AOX1: variants seen among roughly 807,000 people sequenced by gnomAD.
The protein encoded by AOX1 is aldehyde oxidase 1.
In AOX1, 153 loss-of-function variants were observed where a neutral mutation model predicts 169.5. That is an observed-to-expected ratio of 0.90 (90% CI 0.79 to 1.03). The LOEUF (loss-of-function observed/expected upper bound fraction) is 1.03. AOX1 is among the 50% of genes least tolerant of loss of function. The probability of loss-of-function intolerance (pLI) is 0.00; values close to 1 mark genes in which losing one functional copy is unlikely to be tolerated. For missense variants in AOX1, 1,656 were observed against 1,663.9 expected (o/e 1.00, Z 0.08); for synonymous variants, 562 against 581.9 (o/e 0.97, Z 0.49).
rs2105779133 is a variant in AOX1, at chr2:200,669,697, C to T, written c.3921C>T (p.Thr1307=). 1 of 1,613,598 alleles carries T rather than the reference C, an allele frequency of 6.2e-7. No homozygotes were observed. The highest frequency in any genetic ancestry group is 8.5e-7 in the Non-Finnish European group (1 of 1,179,908). The stretch of plus-strand genomic sequence containing the variant: ...CCTTGACCCTTAATAGTCCACTGAC[C>T]CCGGAGAAGATTAGGATGGCCTGTG... ...HGPLTLNSPL[T]PEKIRMACED... The change falls in exon 34 of 35, where the codon ACC becomes ACT. Residue 1307 remains threonine (T), a synonymous_variant. Transcript: ENST00000374700.
In AOX1 at chr2:200,634,779, T is replaced by C. The variant is rs749334767; in HGVS notation, c.2222-12T>C. 1 of 1,613,680 alleles carries C rather than the reference T, an allele frequency of 6.2e-7. No individual in the cohort carries two copies. ...ACTGCTTCCTTGACTTTTATGTATT[T>C]TCCTGTAACAGGTGAAATACATATG... On this transcript the variant is annotated splice_polypyrimidine_tract_variant and intron_variant, in intron 20 of 34. Transcript: ENST00000374700.
chr2:200,653,927 C>T (rs2105761135), intron 26 of AOX1, among the ~76,000 whole-genome samples: 1 of 152,200 alleles, frequency 6.6e-6, no homozygotes, highest in East Asian at 1.9e-4. Context: ...TGAACCACAT[C>T]CATATAAGAC....
In AOX1 at chr2:200,599,655, C is replaced by T. The variant is rs1158487710; in HGVS notation, c.345C>T (p.Gly115=). The T allele has an allele frequency of 6.2e-7, 1 of 1,612,900 alleles. No individual in the cohort carries two copies. The highest frequency in any genetic ancestry group is 1.1e-5 in the South Asian group (1 of 90,950). ...RIAKCHGTQC[G]FCTPGMVMSI... is the part of the protein sequence containing the mutation. Reference sequence around the variant, plus strand: ...CCAAGTGTCATGGCACCCAGTGTGGCTTCTGCACACCTGGGATGGTGATGT... The same window carrying T: ...CCAAGTGTCATGGCACCCAGTGTGGTTTCTGCACACCTGGGATGGTGATGT... Residue 115 remains glycine (G), a synonymous_variant, in exon 5 of 35, where the codon GGC becomes GGT. Coordinates refer to ENST00000374700, the MANE Select transcript of AOX1 (RefSeq NM_001159.4).
Position 200,670,885 on chromosome 2 carries a change from A to G in AOX1, c.*206A>G, listed in dbSNP as rs1362793845. The G allele has an allele frequency of 1.2e-5, 6 of 506,208 alleles. No individual in the cohort carries two copies. Among genetic ancestry groups the G allele is most frequent in the Non-Finnish European group, 2.1e-5 (6 of 284,746 alleles). 31.4% of individuals were successfully genotyped at this position (506,208 alleles called of 1,614,324 possible). On this transcript the variant is annotated 3_prime_UTR_variant, in exon 35 of 35. Coordinates refer to ENST00000374700, the MANE Select transcript of AOX1 (RefSeq NM_001159.4). ...TTAAGCAATCTATAAATCATTTTCA[A>G]TGTTATAAACACTAATTGGTTTCCT...
chr2:200,616,000 C>G lies in AOX1; in HGVS notation c.1641C>G (p.Asp547Glu), dbSNP rs777354923. 6 of 1,613,568 alleles carry G rather than the reference C, an allele frequency of 3.7e-6. No individual in the cohort carries two copies. The highest frequency in any genetic ancestry group is 5.1e-6 in the Non-Finnish European group (6 of 1,179,620). The change falls in exon 16 of 35, where the codon GAC becomes GAG. Residue 547 changes from aspartate (D) to glutamate (E), a missense_variant. Coordinates refer to ENST00000374700, the MANE Select transcript of AOX1 (RefSeq NM_001159.4). ...MDPVHYPSLADKYESALEDLH... is the reference protein window; with the variant it reads ...MDPVHYPSLAEKYESALEDLH... ...CAGTTCACTATCCTAGCCTTGCAGA[C>G]AAGTATGAAAGTGCTTTAGAAGATC...
chr2:200,668,567 G>T, intron 32 of AOX1, 48 bp from the exon 33 acceptor site: 2 of 1,518,568 alleles, frequency 1.3e-6, no homozygotes, highest in South Asian at 2.4e-5. Context: ...ACTTAGTGTT[G>T]ACTGTGTTTT....
In AOX1 at chr2:200,599,759, T is replaced by A; in HGVS notation, c.436+13T>A. The A allele has an allele frequency of 1.4e-6, 2 of 1,480,764 alleles. No individual in the cohort carries two copies. Among genetic ancestry groups the A allele is most frequent in the Non-Finnish European group, 1.8e-6 (2 of 1,116,876 alleles). 91.7% of individuals were successfully genotyped at this position (1,480,764 alleles called of 1,614,324 possible). ...GATGCCCTTGGTGGTAGGTTATATA[T>A]GCATGCTTTTATTTTTTAATTTTTA... On this transcript the variant is annotated intron_variant, in intron 5 of 34. Coordinates refer to ENST00000374700, the MANE Select transcript of AOX1 (RefSeq NM_001159.4).
chr2:200,632,417 A>G (rs1559247154), intron 20 of AOX1, among the ~76,000 whole-genome samples: 1 of 151,506 alleles, frequency 6.6e-6, no homozygotes, highest in East Asian at 1.9e-4. Context: ...TAGAAGCTTT[A>G]CCTCCCTTTA....
intron 3 of AOX1, 76 bp from the exon 4 acceptor site, chr2:200,597,321 C>T: frequency 9.8e-7 from 1 of 1,019,992 alleles, no homozygotes. Context: ...AGTGGAGAAG[C>T]TCAGTGAATG....
intron 25 of AOX1, among the ~76,000 whole-genome samples, chr2:200,646,611 T>C (rs2035457391): frequency 6.6e-6 from 1 of 152,200 alleles, no homozygotes; most frequent in African/African-American, 2.4e-5. Flanking sequence ...CATTGTTTCT[T>C]TGTTGACTTT....
At chr2:200,638,810 A>C (rs1184319508) in intron 23 of AOX1, among the ~76,000 whole-genome samples, 1 of 152,222 alleles carries the variant, frequency 6.6e-6, no homozygotes, top group Admixed American at 6.5e-5. Context: ...GAAAAATTTT[A>C]CTTCTCAGAG....
At position 200,616,218 on chromosome 2, in the gene AOX1, A is replaced by T. The variant is rs1056586050; in HGVS notation, c.1704+155A>T. 1.2e-4 allele frequency among the ~76,000 whole-genome samples: 18 copies of T among 152,362 alleles called. No individual in the cohort carries two copies. The South Asian group carries it at 2.3e-3, about 19-fold the overall frequency. ...CTCTTTATGGGTAACTAAAATTCCA[A>T]AATCAATGAAGAATTTGATTAAAGA... On this transcript the variant is annotated intron_variant, in intron 16 of 34. Coordinates refer to ENST00000374700, the MANE Select transcript of AOX1 (RefSeq NM_001159.4).
chr2:200,652,296 A>T (rs1433951300), intron 26 of AOX1, among the ~76,000 whole-genome samples: 2 of 152,216 alleles, frequency 1.3e-5, no homozygotes, highest in African/African-American at 2.4e-5. Context: ...GTGTTATAAC[A>T]AATGATGATC....
rs139093835 is a variant in AOX1 at position 200,647,346 on chromosome 2, T to C, written c.2848-3628T>C. Among the ~76,000 whole-genome samples, 197 of 152,340 alleles carry C rather than the reference T, an allele frequency of 1.3e-3. 1 individual carries two copies. Among genetic ancestry groups the C allele is most frequent in the Middle Eastern group, 6.8e-3 (2 of 294 alleles). Reference sequence around the variant, plus strand: ...AACTGTATCTTTCCTTCATATGTGATGCTTAGTTTCACTGGATACAAAATT... The same window carrying C: ...AACTGTATCTTTCCTTCATATGTGACGCTTAGTTTCACTGGATACAAAATT... On this transcript the variant is annotated intron_variant, in intron 25 of 34. Transcript: ENST00000374700.
chr2:200,602,463 G>T, intron 6 of AOX1, 118 bp downstream of exon 6: 1 of 839,510 alleles, frequency 1.2e-6, no homozygotes, highest in South Asian at 1.6e-5. Flanking sequence ...CTTATCTCCA[G>T]GTTTCTAGCT....
Position 200,670,915 on chromosome 2 carries a change from G to T in AOX1, c.*236G>T. On this transcript the variant is annotated 3_prime_UTR_variant, in exon 35 of 35. Coordinates refer to ENST00000374700, the MANE Select transcript of AOX1 (RefSeq NM_001159.4). ...ATAAACACTAATTGGTTTCCTCTAGGGTGATATCCGTCATTACTCTGTCTC... is the reference window on the plus strand; with the variant it reads ...ATAAACACTAATTGGTTTCCTCTAGTGTGATATCCGTCATTACTCTGTCTC... 2.2e-6 allele frequency: 1 copy of T among 451,276 alleles called. No individual in the cohort carries two copies. Among genetic ancestry groups the T allele is most frequent in the Non-Finnish European group, 3.9e-6 (1 of 254,426 alleles). The allele number at this position is 451,276 out of a possible 1,614,324, so 28.0% of individuals were successfully genotyped here.
chr2:200,657,183 TATATA>T (rs2035709426), intron 27 of AOX1, among the ~76,000 whole-genome samples: 1 of 73,426 alleles, frequency 1.4e-5, no homozygotes, highest in East Asian at 8.0e-4. Flanking sequence ...TATATATATA[TATATA>T]TATTTTTTTT....
rs1175676994 is a variant in AOX1, at chr2:200,612,680, G to A, written c.1335G>A (p.Met445Ile). The change falls in exon 14 of 35, where the codon ATG becomes ATA. Residue 445 changes from methionine (M) to isoleucine (I), a missense_variant. Transcript: ENST00000374700. Reference sequence around the variant, plus strand: ...CGCTAGCGATAGTCAATTCAGGAATGAGAGTCTTTTTTGGAGAAGGGGATG... The same window carrying A: ...CGCTAGCGATAGTCAATTCAGGAATAAGAGTCTTTTTTGGAGAAGGGGATG... ...ENALAIVNSG[M>I]RVFFGEGDGI... The A allele has an allele frequency of 2.5e-6, 4 of 1,614,150 alleles. No individual in the cohort carries two copies. Among genetic ancestry groups the A allele is most frequent in the Non-Finnish European group, 2.5e-6 (3 of 1,180,012 alleles).
intron 25 of AOX1, among the ~76,000 whole-genome samples, chr2:200,650,153 T>C (rs2035551722): frequency 6.6e-6 from 1 of 152,228 alleles, no homozygotes; most frequent in South Asian, 2.1e-4. Context: ...TCTCTCCTGA[T>C]GTCCTGCCAC....
Sources: allele counts gnomAD v4.1 joint callset (sites outside exome capture counted in the v4.1 genomes callset), GRCh38; gene constraint gnomAD v4.1.1; transcripts MANE v1.5; gene names NCBI Gene and HGNC (gene_info 2026-07-23, HGNC 2026-07-21).